PDE11A: variants seen among roughly 807,000 people sequenced by gnomAD.
PDE11A encodes the protein dual 3',5'-cyclic-AMP and -GMP phosphodiesterase 11A.
A neutral mutation model predicts 100.5 loss-of-function variants in PDE11A; 100 were observed. That is an observed-to-expected ratio of 1.00 (90% CI 0.85 to 1.18). PDE11A has a LOEUF of 1.18. PDE11A is among the 50% of genes most tolerant of loss of function. The probability of loss-of-function intolerance (pLI) is 0.00; values close to 1 mark genes in which losing one functional copy is unlikely to be tolerated. For synonymous variants in PDE11A, 381 were observed against 420.8 expected (o/e 0.91, Z 1.16); for missense variants, 1,141 against 1,152.6 (o/e 0.99, Z 0.15).
chr2:177,790,737 A>C (rs1363601486), intron 9 of PDE11A, among the ~76,000 whole-genome samples: 1 of 152,238 alleles, frequency 6.6e-6, no homozygotes, highest in Non-Finnish European at 1.5e-5. Flanking sequence ...AAGGATATGA[A>C]CAGACACTTC....
chr2:178,089,244 G>A (rs559468227), intron 2 of PDE11A, among the ~76,000 whole-genome samples: 2 of 152,226 alleles, frequency 1.3e-5, no homozygotes, highest in African/African-American at 4.8e-5. Flanking sequence ...ACGACTATGG[G>A]AGGTTGTTGG....
intron 18 of PDE11A, among the ~76,000 whole-genome samples, chr2:177,664,494 T>C (rs989863346): frequency 6.6e-6 from 1 of 152,200 alleles, no homozygotes; most frequent in African/African-American, 2.4e-5. Flanking sequence ...TTATTTATCA[T>C]TGTATGGATG....
chr2:177,771,796 A>T (rs1208685419), intron 9 of PDE11A, among the ~76,000 whole-genome samples: 1 of 152,168 alleles, frequency 6.6e-6, no homozygotes, highest in African/African-American at 2.4e-5. Flanking sequence ...TGAGGTGAGG[A>T]GTTCAATACC....
At chr2:177,754,106 C>T (rs2082058263) in intron 10 of PDE11A, among the ~76,000 whole-genome samples, 1 of 152,166 alleles carries the variant, frequency 6.6e-6, no homozygotes, top group African/African-American at 2.4e-5. Flanking sequence ...GCAGCAGCTT[C>T]AAAGCCTGCC....
chr2:178,021,784 A>C (rs892074480), intron 1 of PDE11A, among the ~76,000 whole-genome samples: 1 of 152,164 alleles, frequency 6.6e-6, no homozygotes, highest in Non-Finnish European at 1.5e-5. Context: ...AATTATCCAG[A>C]AAAAAAGGAG....
chr2:177,883,711 A>G (rs2084383826), intron 4 of PDE11A, among the ~76,000 whole-genome samples: 1 of 152,210 alleles, frequency 6.6e-6, no homozygotes, highest in African/African-American at 2.4e-5. Context: ...GGGGCAAGCT[A>G]TAGAAGTGTG....
At chr2:177,726,261 C>T (rs1033604857) in intron 12 of PDE11A, among the ~76,000 whole-genome samples, 1 of 152,126 alleles carries the variant, frequency 6.6e-6, no homozygotes, top group Non-Finnish European at 1.5e-5. Context: ...ACCCAAAGCA[C>T]AAGTCCCTAG....
intron 1 of PDE11A, among the ~76,000 whole-genome samples, chr2:178,033,687 C>G (rs1204054537): frequency 2.0e-5 from 3 of 152,176 alleles, no homozygotes; most frequent in Non-Finnish European, 4.4e-5. Context: ...GCCCATCAGA[C>G]TAACAGTGGA....
At chr2:177,882,406 G>A (rs1276239877) in intron 4 of PDE11A, among the ~76,000 whole-genome samples, 1 of 152,008 alleles carries the variant, frequency 6.6e-6, no homozygotes, top group Admixed American at 6.6e-5. Flanking sequence ...AATAGGTGAA[G>A]GCATAAATAA....
chr2:177,758,443 G>C (rs2082124296), intron 10 of PDE11A, among the ~76,000 whole-genome samples: 1 of 152,018 alleles, frequency 6.6e-6, no homozygotes, highest in Admixed American at 6.6e-5. Flanking sequence ...TGAACGTTAT[G>C]AATTGCTTCT....
At chr2:177,969,157 C>T (rs532630133) in intron 2 of PDE11A, among the ~76,000 whole-genome samples, 1 of 152,274 alleles carries the variant, frequency 6.6e-6, no homozygotes, top group South Asian at 2.1e-4. Flanking sequence ...TCTCAGCGAA[C>T]TAACACAGGA....
At chr2:177,649,307 A>G (rs1006691504) in intron 19 of PDE11A, among the ~76,000 whole-genome samples, 7 of 152,300 alleles carry the variant, frequency 4.6e-5, no homozygotes, top group Admixed American at 2.6e-4. Flanking sequence ...TTGTGTATTT[A>G]CAAGAATATT....
At chr2:177,735,133 C>T (rs115409472) in intron 10 of PDE11A, among the ~76,000 whole-genome samples, 1,617 of 152,222 alleles carry the variant, frequency 0.011, 34 homozygotes, top group African/African-American at 0.036. Context: ...TTAAGAGCTG[C>T]GATGGGGGAA....
intron 2 of PDE11A, among the ~76,000 whole-genome samples, chr2:177,907,713 C>T (rs2084812464): frequency 1.3e-5 from 2 of 152,152 alleles, no homozygotes; most frequent in South Asian, 4.1e-4. Context: ...GAGCAAAGAA[C>T]AGAAGTGTTT....
rs963859740 is a variant in PDE11A, at chr2:177,835,643, A to G, written c.1500+4608T>C. Among the ~76,000 whole-genome samples the G allele has an allele frequency of 7.9e-5, 12 of 152,220 alleles. 1 individual carries two copies. The highest frequency in any genetic ancestry group is 3.9e-4 in the Admixed American group (6 of 15,296). On this transcript the variant is annotated intron_variant, in intron 6 of 19. Coordinates refer to ENST00000286063, the MANE Select transcript of PDE11A (RefSeq NM_016953.4). Reference sequence around the variant, plus strand: ...CTCTGGGCTGGCCAAGGCTGAAGCCAGCTCCCTCTGCTTGTGGGGAGGTGT... The same window carrying G: ...CTCTGGGCTGGCCAAGGCTGAAGCCGGCTCCCTCTGCTTGTGGGGAGGTGT...
chr2:177,902,119 C>T (rs1214877576), intron 3 of PDE11A, among the ~76,000 whole-genome samples: 1 of 152,202 alleles, frequency 6.6e-6, no homozygotes, highest in African/African-American at 2.4e-5. Flanking sequence ...TGCAAGTATA[C>T]ATCCAGATGG....
intron 1 of PDE11A, among the ~76,000 whole-genome samples, chr2:178,048,751 C>T (rs962320593): frequency 2.0e-5 from 3 of 152,186 alleles, no homozygotes; most frequent in Non-Finnish European, 2.9e-5. Flanking sequence ...GAATTATACA[C>T]GCCTATAAAT....
intron 13 of PDE11A, among the ~76,000 whole-genome samples, chr2:177,703,684 CA>C (rs2081235262): frequency 6.6e-6 from 1 of 152,128 alleles, no homozygotes; most frequent in Admixed American, 6.5e-5. Context: ...GTTGGGTTAA[CA>C]GACTCCACAA....
chr2:177,856,964 A>G (rs1300844591), intron 5 of PDE11A, among the ~76,000 whole-genome samples: 1 of 152,086 alleles, frequency 6.6e-6, no homozygotes. Flanking sequence ...AATAAACTAC[A>G]AGTAGGATAA....
Sources: allele counts gnomAD v4.1 joint callset (sites outside exome capture counted in the v4.1 genomes callset), GRCh38; gene constraint gnomAD v4.1.1; transcripts MANE v1.5; gene names NCBI Gene and HGNC (gene_info 2026-07-23, HGNC 2026-07-21).